AMZ1: variants seen among roughly 807,000 people sequenced by gnomAD.
AMZ1 encodes the protein archaemetzincin-1.
Under a neutral mutation model 29.9 loss-of-function variants are expected in AMZ1, and 39 were observed. That is an observed-to-expected ratio of 1.30 (90% confidence interval 1.01 to 1.70). AMZ1 has a LOEUF of 1.70. Among genes scored for constraint, AMZ1 ranks in the 40% most tolerant of loss-of-function variants. The pLI is 0.00. For missense variants in AMZ1, 1,041 were observed against 680.6 expected, an observed-to-expected ratio of 1.53 and a Z score of -5.89; for synonymous variants, 458 against 304.0, an observed-to-expected ratio of 1.51 and a Z score of -5.27.
intron 4 of AMZ1, among the ~76,000 whole-genome samples, chr7:2,737,422 G>A (rs1159912486): frequency 6.6e-6 from 1 of 151,392 alleles, no homozygotes; most frequent in Non-Finnish European, 1.5e-5. Context: ...CAGAGTAGTT[G>A]GGACTACAGG....
At chr7:2,697,197 G>A (rs1022682363) in intron 1 of AMZ1, among the ~76,000 whole-genome samples, 3 of 152,232 alleles carry the variant, frequency 2.0e-5, no homozygotes, top group South Asian at 2.1e-4. Flanking sequence ...CTGCCTCCCG[G>A]GTTCAAGTGA....
chr7:2,743,457 C>T (rs1040093516), intron 4 of AMZ1, among the ~76,000 whole-genome samples: 1 of 152,150 alleles, frequency 6.6e-6, no homozygotes, highest in African/African-American at 2.4e-5. Flanking sequence ...ACTGGGATGG[C>T]TTGACACAGA....
chr7:2,696,809 C>A (rs902734182), intron 1 of AMZ1, among the ~76,000 whole-genome samples: 7 of 152,030 alleles, frequency 4.6e-5, no homozygotes, highest in Non-Finnish European at 1.0e-4. Flanking sequence ...TCGCTTGAAC[C>A]CAGAAAGTGG....
At chr7:2,762,764 C>A, upstream of AMZ1, 1 of 1,549,076 alleles carries the variant, frequency 6.5e-7, no homozygotes, top group Admixed American at 2.0e-5. Context: ...CAGGCCCGTC[C>A]TTTCCACCCA....
chr7:2,744,852 A>G (rs1790689925), intron 4 of AMZ1, among the ~76,000 whole-genome samples: 1 of 152,250 alleles, frequency 6.6e-6, no homozygotes, highest in South Asian at 2.1e-4. Context: ...AAACCAAGGC[A>G]TGAGAACTAC....
chr7:2,731,392 T>A lies in AMZ1; in HGVS notation n.550+21576T>A. The A allele has an allele frequency of 6.2e-7, 1 of 1,613,352 alleles. No individual in the cohort carries two copies. Among genetic ancestry groups the A allele is most frequent in the Non-Finnish European group, 8.5e-7 (1 of 1,179,454 alleles). The stretch of plus-strand genomic sequence containing the variant: ...GTCGCCCCTGAAGTCCGGGAAGTGC[T>A]TCTTGATGCTCACGGTCTTCACCTT... On this transcript the variant is annotated intron_variant and non_coding_transcript_variant, in intron 4 of 4. Transcript: ENST00000489665. This position sits in a 1 kb window ranked among gnomAD's most constrained non-coding sequence, Gnocchi z 6.0.
intron 6 of AMZ1, among the ~76,000 whole-genome samples, chr7:2,710,469 G>C (rs749987044): frequency 6.6e-6 from 1 of 152,218 alleles, no homozygotes; most frequent in Non-Finnish European, 1.5e-5. Context: ...ATGAAACCGC[G>C]CTGGAAAGCC....
chr7:2,759,404 C>T (rs1055044279), intron 4 of AMZ1, among the ~76,000 whole-genome samples: 6 of 152,144 alleles, frequency 3.9e-5, no homozygotes, highest in East Asian at 1.9e-4. Context: ...ACAATACTCA[C>T]GGTGTGTTAT....
At chr7:2,691,570 G>A (rs1285061077) in intron 1 of AMZ1, among the ~76,000 whole-genome samples, 3 of 147,712 alleles carry the variant, frequency 2.0e-5, no homozygotes, top group Non-Finnish European at 4.4e-5. Context: ...GTGAAACCTC[G>A]TTTCTACTAA....
At chr7:2,693,458 C>T (rs1004985768) in intron 1 of AMZ1, among the ~76,000 whole-genome samples, 3 of 152,184 alleles carry the variant, frequency 2.0e-5, no homozygotes, top group Admixed American at 1.3e-4. Context: ...CAGCTCACTG[C>T]AGCCTTGGAC....
At chr7:2,752,733 C>T (rs548558629) in intron 4 of AMZ1, among the ~76,000 whole-genome samples, 4 of 151,646 alleles carry the variant, frequency 2.6e-5, no homozygotes, top group South Asian at 4.2e-4. Context: ...TTTTTTTTGC[C>T]GTAACTTTTC....
chr7:2,724,962 C>T (rs1182946530), intron 4 of AMZ1, among the ~76,000 whole-genome samples: 1 of 149,826 alleles, frequency 6.7e-6, no homozygotes, highest in Non-Finnish European at 1.5e-5. Context: ...GTCTGCTTTT[C>T]TGCGCAGAAG....
upstream of AMZ1, chr7:2,762,900 C>A: frequency 1.4e-6 from 2 of 1,421,364 alleles, no homozygotes; most frequent in South Asian, 1.6e-5. Flanking sequence ...GGTGCTGCGG[C>A]GGGGAGAAGA....
Position 2,700,740 on chromosome 7 carries a change from T to C in AMZ1, c.289T>C (p.Tyr97His). 1 of 1,612,746 alleles carries C rather than the reference T, an allele frequency of 6.2e-7. No homozygotes were observed. The highest frequency in any genetic ancestry group is 1.3e-5 in the African/African-American group (1 of 75,050). ...GCCCCGCCTGGCTCGGAAGCACATC[T>C]ACCTACAGCCGATAGGTACGGGACG... ...RKPRLARKHI[Y>H]LQPIDLSEEP... Residue 97 changes from tyrosine to histidine, a missense_variant, in exon 2 of 7, where the codon TAC (tyrosine) becomes CAC (histidine). Transcript: ENST00000683327.
downstream of AMZ1, among the ~76,000 whole-genome samples, chr7:2,721,574 G>T (rs1237801283): frequency 6.6e-6 from 1 of 152,150 alleles, no homozygotes; most frequent in East Asian, 1.9e-4. Flanking sequence ...AAATTAGCCA[G>T]GTGTGGTGTC....
chr7:2,735,762 G>C (rs906535364), intron 4 of AMZ1, among the ~76,000 whole-genome samples: 3 of 152,208 alleles, frequency 2.0e-5, no homozygotes, highest in Non-Finnish European at 4.4e-5. Context: ...TGGCGGAGGA[G>C]AGGAGTCAAA....
chr7:2,714,932 A>C lies in AMZ1; in HGVS notation c.*2054A>C, dbSNP rs1171807067. 1 of 152,184 alleles carries C rather than the reference A, an allele frequency of 6.6e-6. No individual in the cohort carries two copies. The highest frequency in any genetic ancestry group is 1.5e-5 in the Non-Finnish European group (1 of 68,002). The allele number at this position is 152,184 out of a possible 1,614,324, so 9.4% of individuals were successfully genotyped here. A position where few individuals can be genotyped will look rare whatever the true frequency, so the allele number is the denominator to read the frequency against. ...GGACAAGTATGTGTTGATTTCAGAG[A>C]AGCTCAGATGTAGCATTAGGACCTT... On this transcript the variant is annotated 3_prime_UTR_variant, in exon 7 of 7. Transcript: ENST00000683327.
chr7:2,712,749 C>A lies in AMZ1; in HGVS notation c.1368C>A (p.Ser456Arg), dbSNP rs148177744. 9,443 of 1,603,248 alleles carry A rather than the reference C, an allele frequency of 5.9e-3. 35 individuals are homozygous for A. The highest frequency in any genetic ancestry group is 7.6e-3 in the Non-Finnish European group (8,875 of 1,173,920). Residue 456 changes from serine to arginine, a missense_variant, in exon 7 of 7, where the codon AGC becomes AGA. Ser to Arg is a moderately radical substitution (Grantham distance 110, BLOSUM62 -1). Coordinates refer to ENST00000683327, the MANE Select transcript of AMZ1 (RefSeq NM_001384743.1). ...CGGCCACCAGGCAGGACCCACCCAG[C>A]AGCAGGGACAGCGTGGGGCTGCGCA... ...QLPATRQDPP[S>R]SRDSVGLRKV... is the part of the protein sequence containing the mutation.
chr7:2,703,037 C>A, intron 3 of AMZ1, 148 bp downstream of exon 3: 2 of 1,170,848 alleles, frequency 1.7e-6, no homozygotes, highest in Non-Finnish European at 2.3e-6. Flanking sequence ...GAAGCAGGAC[C>A]AAGCCGGAGA....
Sources: allele counts gnomAD v4.1 joint callset (sites outside exome capture counted in the v4.1 genomes callset), GRCh38; gene constraint gnomAD v4.1.1; non-coding constraint Gnocchi (gnomAD v3.1); transcripts MANE v1.5; gene names NCBI Gene and HGNC (gene_info 2026-07-23, HGNC 2026-07-21).